The following AGBL4 variants were observed in gnomAD, a reference collection of about 807,000 sequenced individuals.
AGBL4 encodes cytosolic carboxypeptidase 6.
AGBL4 carries 58 observed loss-of-function variants against 66.4 expected under a neutral mutation model. That is an observed-to-expected ratio of 0.87 (90% CI 0.71 to 1.09). The LOEUF is 1.09. Ranked by LOEUF, AGBL4 falls within the 50% of genes least tolerant of loss-of-function variation. The probability of loss-of-function intolerance (pLI) is 0.00; values close to 1 mark genes in which losing one functional copy is unlikely to be tolerated. For synonymous variants in AGBL4, 234 were observed against 222.9 expected, an observed-to-expected ratio of 1.05 and a Z score of -0.44; for missense variants, 579 against 631.0, an observed-to-expected ratio of 0.92 and a Z score of 0.88.
intron 3 of AGBL4, among the ~76,000 whole-genome samples, chr1:49,518,904 T>C (rs1384270200): frequency 1.3e-5 from 2 of 152,104 alleles, no homozygotes; most frequent in African/African-American, 4.8e-5. Context: ...ATATAAAGTA[T>C]TCACATTGAT....
chr1:49,271,153 T>A (rs1400680074), intron 3 of AGBL4, among the ~76,000 whole-genome samples: 1 of 152,178 alleles, frequency 6.6e-6, no homozygotes, highest in East Asian at 1.9e-4. Flanking sequence ...TGAAGGTAAC[T>A]ATTTATTAAT....
chr1:49,957,456 G>T (rs1387399801), intron 1 of AGBL4, among the ~76,000 whole-genome samples: 2 of 151,766 alleles, frequency 1.3e-5, no homozygotes, highest in Non-Finnish European at 1.5e-5. Flanking sequence ...GTTGACAGTG[G>T]GGTGTTAAAG....
At chr1:49,371,927 A>G (rs748287615) in intron 3 of AGBL4, among the ~76,000 whole-genome samples, 4 of 151,850 alleles carry the variant, frequency 2.6e-5, no homozygotes, top group Non-Finnish European at 5.9e-5. Flanking sequence ...AAGGAAAAGC[A>G]ATACCAAATG....
At chr1:49,520,716 C>T (rs1650186479) in intron 3 of AGBL4, among the ~76,000 whole-genome samples, 1 of 151,992 alleles carries the variant, frequency 6.6e-6, no homozygotes, top group Admixed American at 6.6e-5. Context: ...ACACACACAG[C>T]ACTCCTCTCC....
At chr1:49,748,853 T>A (rs1419914748) in intron 2 of AGBL4, among the ~76,000 whole-genome samples, 1 of 152,188 alleles carries the variant, frequency 6.6e-6, no homozygotes, top group Non-Finnish European at 1.5e-5. Flanking sequence ...TTGATGGGGC[T>A]GTTTGTTTTT....
rs1644240943 is a variant in AGBL4, at chr1:48,761,236, G to A, written c.635-97995C>T. ...AAAAATCATAGCCTGTGATACCAGGGGACATTTACATGGGGAGAGGAAGCC... is the reference window on the plus strand; with the variant it reads ...AAAAATCATAGCCTGTGATACCAGGAGACATTTACATGGGGAGAGGAAGCC... On this transcript the variant is annotated intron_variant, in intron 6 of 13. Transcript: ENST00000371839. The A allele has an allele frequency of 1.6e-5, 20 of 1,229,212 alleles. No homozygotes were observed. In the South Asian group the frequency reaches 3.1e-4, roughly 19 times the overall value. The allele number at this position is 1,229,212 out of a possible 1,614,324, so 76.1% of individuals were successfully genotyped here. A position where few individuals can be genotyped will look rare whatever the true frequency, so the allele number is the denominator to read the frequency against.
At chr1:49,946,547 T>C (rs1389034407) in intron 1 of AGBL4, among the ~76,000 whole-genome samples, 1 of 151,950 alleles carries the variant, frequency 6.6e-6, no homozygotes, top group African/African-American at 2.4e-5. Flanking sequence ...ACCTCTGGGA[T>C]ACAGCAAAGG....
intron 3 of AGBL4, among the ~76,000 whole-genome samples, chr1:49,615,960 C>T (rs991950276): frequency 3.3e-5 from 5 of 152,110 alleles, no homozygotes; most frequent in African/African-American, 1.2e-4. Flanking sequence ...TAGCCTATTC[C>T]TCATCTTACC....
chr1:49,030,042 A>T (rs1482658177), intron 5 of AGBL4, among the ~76,000 whole-genome samples: 2 of 152,144 alleles, frequency 1.3e-5, no homozygotes, highest in African/African-American at 4.8e-5. Context: ...AAGAGCGAAA[A>T]TTATAAAGCT....
chr1:48,844,601 C>T (rs1425960373), intron 6 of AGBL4, among the ~76,000 whole-genome samples: 2 of 152,186 alleles, frequency 1.3e-5, no homozygotes, highest in Non-Finnish European at 2.9e-5. Flanking sequence ...CATATGCCTT[C>T]TCCTTTGCTT....
At chr1:49,571,185 A>C (rs572846354) in intron 3 of AGBL4, among the ~76,000 whole-genome samples, 1 of 151,926 alleles carries the variant, frequency 6.6e-6, no homozygotes, top group South Asian at 2.1e-4. Flanking sequence ...GAGCAGTATA[A>C]TCCTTTAACT....
intron 6 of AGBL4, among the ~76,000 whole-genome samples, chr1:48,841,173 GTA>G (rs1646789638): frequency 6.6e-6 from 1 of 152,128 alleles, no homozygotes; most frequent in Admixed American, 6.6e-5. Context: ...GCACTGTTCT[GTA>G]TCCTGGTTGT....
rs1352026698 is a variant in AGBL4, at chr1:49,880,715, T to C, written c.35-29197A>G. On this transcript the variant is annotated intron_variant, in intron 1 of 13. Coordinates refer to ENST00000371839, the MANE Select transcript of AGBL4 (RefSeq NM_032785.4). ...AGTTTGAGCTTCCCGGCTGCTTTGT[T>C]TACCTAAGCAAGCCTGGGCAATGGC... Among the ~76,000 whole-genome samples, 23 of 152,182 alleles carry C rather than the reference T, an allele frequency of 1.5e-4. 1 individual carries two copies. The highest frequency in any genetic ancestry group is 1.5e-3 in the Admixed American group (23 of 15,284).
chr1:49,672,561 G>T (rs1407916633), intron 3 of AGBL4, among the ~76,000 whole-genome samples: 21 of 143,148 alleles, frequency 1.5e-4, no homozygotes, highest in Non-Finnish European at 3.0e-5. Context: ...ATAAAAATCA[G>T]AGTGGAAATC....
intron 3 of AGBL4, among the ~76,000 whole-genome samples, chr1:49,678,786 G>T (rs1646630059): frequency 6.6e-6 from 1 of 151,736 alleles, no homozygotes; most frequent in African/African-American, 2.4e-5. Flanking sequence ...TCTGTTATTT[G>T]CTTTTAGTTC....
intron 6 of AGBL4, among the ~76,000 whole-genome samples, chr1:48,701,229 T>C (rs1004544021): frequency 2.0e-5 from 3 of 152,064 alleles, no homozygotes; most frequent in Admixed American, 1.3e-4. Flanking sequence ...TTCAGACCTC[T>C]CTTGCTTCTC....
chr1:49,423,689 G>A (rs1301473285), intron 3 of AGBL4, among the ~76,000 whole-genome samples: 1 of 151,740 alleles, frequency 6.6e-6, no homozygotes, highest in East Asian at 1.9e-4. Context: ...GTACACACCT[G>A]TAGTCCCAGC....
chr1:49,885,576 C>T (rs1054323262), intron 1 of AGBL4, among the ~76,000 whole-genome samples: 4 of 151,966 alleles, frequency 2.6e-5, no homozygotes, highest in East Asian at 1.9e-4. Context: ...ACAAACAAGA[C>T]ATCTTGGTTT....
intron 6 of AGBL4, among the ~76,000 whole-genome samples, chr1:48,667,399 GC>G (rs1646206264): frequency 6.6e-6 from 1 of 152,190 alleles, no homozygotes; most frequent in Non-Finnish European, 1.5e-5. Flanking sequence ...CCAGATAGCA[GC>G]CAGGAGGAAC....
Sources: allele counts gnomAD v4.1 joint callset (sites outside exome capture counted in the v4.1 genomes callset), GRCh38; gene constraint gnomAD v4.1.1; transcripts MANE v1.5; gene names NCBI Gene and HGNC (gene_info 2026-07-23, HGNC 2026-07-21).